The following CCBE1 variants were observed in gnomAD, a reference collection of about 807,000 sequenced individuals.
The protein encoded by CCBE1 is collagen and calcium binding EGF domains 1.
A neutral mutation model predicts 50.0 loss-of-function variants in CCBE1; 37 were observed. That is an observed-to-expected ratio of 0.74 (90% CI 0.57 to 0.97). CCBE1 has a LOEUF of 0.97. CCBE1 is among the 50% of genes least tolerant of loss of function. The pLI is 0.00. For missense variants in CCBE1, 538 were observed against 523.8 expected (o/e 1.03, Z -0.26); for synonymous variants, 234 against 203.7 (o/e 1.15, Z -1.27).
chr18:59,478,533 C>T (rs1598935953), intron 3 of CCBE1, among the ~76,000 whole-genome samples: 1 of 152,276 alleles, frequency 6.6e-6, no homozygotes, highest in East Asian at 1.9e-4. Context: ...CATGTGTGAC[C>T]ACTTTTCCTG....
chr18:59,696,762 G>T, intron 1 of CCBE1, 53 bp from the exon 2 acceptor site: 1 of 1,583,844 alleles, frequency 6.3e-7, no homozygotes, highest in South Asian at 1.1e-5. Flanking sequence ...AGCGGAGGCG[G>T]GCAGCGCGCG....
At chr18:59,582,947 T>C (rs2053106755) in intron 2 of CCBE1, among the ~76,000 whole-genome samples, 1 of 152,088 alleles carries the variant, frequency 6.6e-6, no homozygotes, top group African/African-American at 2.4e-5. Flanking sequence ...TAAGTAGCTG[T>C]GACTGACCAC....
At position 59,524,298 on chromosome 18, in the gene CCBE1, T is replaced by C. The variant is rs534306017; in HGVS notation, c.213-44060A>G. Among the ~76,000 whole-genome samples, 40 of 152,304 alleles carry C rather than the reference T, an allele frequency of 2.6e-4. 1 individual carries two copies. The South Asian group carries it at 8.3e-3, about 32-fold the overall frequency. On this transcript the variant is annotated intron_variant, in intron 2 of 10. Coordinates refer to ENST00000439986, the MANE Select transcript of CCBE1 (RefSeq NM_133459.4). ...TTGCGCCACTGCACTACAGCCTGGGTAACAGAGCAAGATCCTGTCTCAAAA... is the reference window on the plus strand; with the variant it reads ...TTGCGCCACTGCACTACAGCCTGGGCAACAGAGCAAGATCCTGTCTCAAAA...
intron 2 of CCBE1, among the ~76,000 whole-genome samples, chr18:59,557,677 A>G (rs916190129): frequency 3.9e-5 from 6 of 152,158 alleles, no homozygotes; most frequent in Non-Finnish European, 5.9e-5. Context: ...ATAACCAAGT[A>G]ACCAATGGGG....
intron 2 of CCBE1, among the ~76,000 whole-genome samples, chr18:59,488,347 A>G (rs1912922980): frequency 6.6e-6 from 1 of 152,222 alleles, no homozygotes; most frequent in South Asian, 2.1e-4. Context: ...TAAAATGTAC[A>G]GTTATTTTTG....
intron 2 of CCBE1, among the ~76,000 whole-genome samples, chr18:59,536,346 C>CT (rs1188865223): frequency 5.3e-5 from 8 of 152,310 alleles, no homozygotes; most frequent in African/African-American, 1.9e-4. Context: ...CCTGGGCTCT[C>CT]TCTCCTCCTC....
At chr18:59,490,366 G>C (rs1356618114) in intron 2 of CCBE1, among the ~76,000 whole-genome samples, 1 of 148,320 alleles carries the variant, frequency 6.7e-6, no homozygotes, top group Admixed American at 6.8e-5. Flanking sequence ...CTTTATGCAG[G>C]TGCGAGACAG....
intron 6 of CCBE1, among the ~76,000 whole-genome samples, chr18:59,453,430 T>C (rs1291587148): frequency 6.6e-6 from 1 of 152,266 alleles, no homozygotes; most frequent in East Asian, 1.9e-4. Flanking sequence ...TTCTGCCTAG[T>C]CTTCCTATTA....
intron 2 of CCBE1, chr18:59,568,530 A>G (rs561992839): frequency 6.6e-6 from 1 of 152,322 alleles, no homozygotes; most frequent in Admixed American, 6.5e-5. Flanking sequence ...CTCTCTAATA[A>G]CATAAGTCTT....
intron 2 of CCBE1, among the ~76,000 whole-genome samples, chr18:59,566,155 G>GA (rs1272300006): frequency 6.6e-6 from 1 of 152,204 alleles, no homozygotes; most frequent in Non-Finnish European, 1.5e-5. Context: ...AGCAGGTCAG[G>GA]AAATCAATCA....
Position 59,569,306 on chromosome 18 carries a change from G to A in CCBE1, c.213-89068C>T, listed in dbSNP as rs74587134. ...TAAATCTGTTGCTTCACCTGATGCC[G>A]ATTTTACTAGCAGTCTGTCCTAAAA... is the stretch of plus-strand genomic sequence containing the variant. On this transcript the variant is annotated intron_variant, in intron 2 of 10. Transcript: ENST00000439986. 2.0e-3 allele frequency among the ~76,000 whole-genome samples: 303 copies of A among 152,286 alleles called. 4 individuals are homozygous for A. The East Asian group carries it at 0.03, about 15-fold the overall frequency.
chr18:59,588,634 G>A (rs2053213139), intron 2 of CCBE1, among the ~76,000 whole-genome samples: 1 of 152,084 alleles, frequency 6.6e-6, no homozygotes, highest in South Asian at 2.1e-4. Flanking sequence ...ATTCTAGAGG[G>A]CCCCTCTTGC....
At chr18:59,489,464 A>T (rs1442809031) in intron 2 of CCBE1, among the ~76,000 whole-genome samples, 2 of 151,966 alleles carry the variant, frequency 1.3e-5, no homozygotes, top group Non-Finnish European at 2.9e-5. Context: ...CCCATGCTGG[A>T]GTGCAGTGGT....
chr18:59,578,547 C>A (rs995365989), intron 2 of CCBE1, among the ~76,000 whole-genome samples: 3 of 152,164 alleles, frequency 2.0e-5, no homozygotes, highest in African/African-American at 7.2e-5. Context: ...GGAACCAACC[C>A]AAATGCCCAT....
chr18:59,574,533 CAA>C (rs765724251), intron 2 of CCBE1, among the ~76,000 whole-genome samples: 21 of 152,122 alleles, frequency 1.4e-4, no homozygotes, highest in Non-Finnish European at 2.2e-4. Context: ...AACTTCCTCC[CAA>C]AAGTTATTTC....
intron 2 of CCBE1, among the ~76,000 whole-genome samples, chr18:59,687,648 T>C (rs1213413902): frequency 1.3e-5 from 2 of 152,048 alleles, no homozygotes; most frequent in Non-Finnish European, 2.9e-5. Flanking sequence ...AAACAGCTGG[T>C]GTTAAAAGGA....
intron 2 of CCBE1, among the ~76,000 whole-genome samples, chr18:59,521,081 G>A (rs1276126705): frequency 2.0e-5 from 3 of 152,180 alleles, no homozygotes; most frequent in African/African-American, 7.2e-5. Context: ...AGATTTTACA[G>A]TCCTAACTGG....
At chr18:59,666,085 T>C (rs1312663332) in intron 2 of CCBE1, 2 of 152,372 alleles carry the variant, frequency 1.3e-5, no homozygotes, top group Non-Finnish European at 2.9e-5. Context: ...CAGTTCCACA[T>C]GGCTGGGGAG....
intron 3 of CCBE1, among the ~76,000 whole-genome samples, chr18:59,476,106 A>T (rs1327090249): frequency 6.6e-6 from 1 of 151,906 alleles, no homozygotes; most frequent in Non-Finnish European, 1.5e-5. Context: ...AGGTTCTGGG[A>T]CAACCCTCCC....
Sources: allele counts gnomAD v4.1 joint callset (sites outside exome capture counted in the v4.1 genomes callset), GRCh38; gene constraint gnomAD v4.1.1; transcripts MANE v1.5; gene names NCBI Gene and HGNC (gene_info 2026-07-23, HGNC 2026-07-21).